SLC4A4: variants seen among roughly 807,000 people sequenced by gnomAD.
The protein encoded by SLC4A4 is electrogenic sodium bicarbonate cotransporter 1.
A neutral mutation model predicts 111.5 loss-of-function variants in SLC4A4; 27 were observed. That is an observed-to-expected ratio of 0.24 (90% CI 0.18 to 0.33). The LOEUF (loss-of-function observed/expected upper bound fraction) is 0.33, where lower values mean the gene tolerates loss of function less well. Ranked by LOEUF, SLC4A4 falls within the 10% of genes least tolerant of loss-of-function variation. SLC4A4 has a pLI of 1.00. For missense variants in SLC4A4, 909 were observed against 1,315.5 expected, an observed-to-expected ratio of 0.69 and a Z score of 4.78; for synonymous variants, 443 against 463.4, an observed-to-expected ratio of 0.96 and a Z score of 0.57.
chr4:71,323,767 A>C (rs2148869670), intron 3 of SLC4A4, among the ~76,000 whole-genome samples: 1 of 150,940 alleles, frequency 6.6e-6, no homozygotes, highest in South Asian at 2.1e-4. Context: ...GTCCATCTAG[A>C]CTTCTTTGTC....
chr4:71,556,099 A>G (rs1736458941), intron 21 of SLC4A4, among the ~76,000 whole-genome samples: 1 of 151,918 alleles, frequency 6.6e-6, no homozygotes, highest in Non-Finnish European at 1.5e-5. Context: ...GCTTTTGCTT[A>G]TTGAATTCAG....
chr4:71,566,997 T>C lies in SLC4A4; in HGVS notation c.3197-7T>C. On this transcript the variant is annotated splice_polypyrimidine_tract_variant and splice_region_variant and intron_variant, in intron 24 of 25. Coordinates refer to ENST00000264485, the MANE Select transcript of SLC4A4 (RefSeq NM_001098484.3). ...CATTTATGTTTTTAAAAAATTTTAT[T>C]TTCCAGGAGAAAGATCACCAACATT... is the stretch of plus-strand genomic sequence containing the variant. 1.2e-6 allele frequency: 2 copies of C among 1,608,176 alleles called. No homozygotes were observed. Among genetic ancestry groups the C allele is most frequent in the Non-Finnish European group, 1.7e-6 (2 of 1,176,342 alleles).
At chr4:71,355,957 C>G (rs1189699397) in intron 5 of SLC4A4, among the ~76,000 whole-genome samples, 1 of 152,186 alleles carries the variant, frequency 6.6e-6, no homozygotes, top group East Asian at 1.9e-4. Context: ...AGAAAGGGAG[C>G]CATGGGATCC....
intron 6 of SLC4A4, among the ~76,000 whole-genome samples, chr4:71,387,529 T>C (rs1718861192): frequency 6.6e-6 from 1 of 152,116 alleles, no homozygotes; most frequent in African/African-American, 2.4e-5. Flanking sequence ...AGTTTCACTC[T>C]TGTTGCCCAG....
intron 17 of SLC4A4, 28 bp from the exon 18 acceptor site, chr4:71,534,199 C>T: frequency 6.2e-7 from 1 of 1,611,508 alleles, no homozygotes; most frequent in Non-Finnish European, 8.5e-7. Context: ...TGATAATTTT[C>T]TGAAAAATGT....
At chr4:71,157,398 T>C (rs1478367937) in intron 2 of SLC4A4, among the ~76,000 whole-genome samples, 1 of 152,152 alleles carries the variant, frequency 6.6e-6, no homozygotes, top group Non-Finnish European at 1.5e-5. Flanking sequence ...AAACTGGTAA[T>C]TGGAAAATAT....
chr4:71,415,775 TA>T (rs1280641272), intron 7 of SLC4A4, among the ~76,000 whole-genome samples: 1 of 152,188 alleles, frequency 6.6e-6, no homozygotes, highest in African/African-American at 2.4e-5. Context: ...TTCTGCCTTT[TA>T]ATTTTTCTCA....
At chr4:71,259,439 C>G (rs1721690344) in intron 3 of SLC4A4, among the ~76,000 whole-genome samples, 1 of 151,964 alleles carries the variant, frequency 6.6e-6, no homozygotes, top group South Asian at 2.1e-4. Context: ...GGTGTCCCAG[C>G]TGGGGACACA....
At chr4:71,528,472 A>G (rs1427632952) in intron 16 of SLC4A4, among the ~76,000 whole-genome samples, 9 of 152,132 alleles carry the variant, frequency 5.9e-5, no homozygotes, top group African/African-American at 1.2e-4. Flanking sequence ...AACTTTACAG[A>G]GTATCTGCAG....
chr4:71,148,561 C>T (rs1338757378), intron 2 of SLC4A4, among the ~76,000 whole-genome samples: 12 of 152,154 alleles, frequency 7.9e-5, no homozygotes, highest in Admixed American at 7.9e-4. Flanking sequence ...CCTCCACTCT[C>T]TGATAAGCTC....
chr4:71,339,124 A>G (rs1728677051), intron 3 of SLC4A4: 3 of 1,610,100 alleles, frequency 1.9e-6, no homozygotes, highest in African/African-American at 2.7e-5. Flanking sequence ...ATCACACAGA[A>G]TTGGAGTGCT....
intron 22 of SLC4A4, 128 bp from the exon 23 acceptor site, chr4:71,559,965 A>G: frequency 1.4e-6 from 1 of 729,428 alleles, no homozygotes; most frequent in Admixed American, 2.0e-5. Context: ...CGTCAAGATC[A>G]GGTCTGTCAT....
At chr4:71,409,309 C>T (rs1459153372) in intron 7 of SLC4A4, among the ~76,000 whole-genome samples, 1 of 152,142 alleles carries the variant, frequency 6.6e-6, no homozygotes, top group Non-Finnish European at 1.5e-5. Flanking sequence ...AGTGTGGAAC[C>T]TCTAGAGACT....
chr4:71,087,220 T>C (rs1742204419), intron 1 of SLC4A4, among the ~76,000 whole-genome samples: 1 of 152,086 alleles, frequency 6.6e-6, no homozygotes, highest in Non-Finnish European at 1.5e-5. Context: ...TCTCTGATGG[T>C]AGTTTGTATT....
intron 1 of SLC4A4, among the ~76,000 whole-genome samples, chr4:71,218,674 T>G (rs1718570903): frequency 6.6e-6 from 1 of 152,216 alleles, no homozygotes; most frequent in African/African-American, 2.4e-5. Context: ...CTTGACAACT[T>G]GCTTGCATCT....
intron 3 of SLC4A4, among the ~76,000 whole-genome samples, chr4:71,267,145 G>A (rs1173031991): frequency 2.0e-5 from 3 of 152,170 alleles, no homozygotes; most frequent in African/African-American, 7.2e-5. Context: ...CCCTTGGGGA[G>A]CTTGTAGTCA....
intron 17 of SLC4A4, among the ~76,000 whole-genome samples, chr4:71,533,215 C>A (rs1310705825): frequency 6.6e-6 from 1 of 152,102 alleles, no homozygotes. Flanking sequence ...AAGATAAGTT[C>A]TCACCCATTC....
At chr4:71,453,452 ATTTAC>A in intron 11 of SLC4A4, 38 bp from the exon 12 acceptor site, 1 of 1,574,022 alleles carries the variant, frequency 6.4e-7, no homozygotes, top group African/African-American at 1.3e-5. Context: ...TTTGATGGTA[ATTTAC>A]TTTACATTTA....
chr4:71,125,598 G>A (rs972972015), intron 2 of SLC4A4, among the ~76,000 whole-genome samples: 15 of 152,072 alleles, frequency 9.9e-5, no homozygotes, highest in African/African-American at 3.4e-4. Context: ...ACAAAGCTTT[G>A]GCCAAAAGAT....
Sources: allele counts gnomAD v4.1 joint callset (sites outside exome capture counted in the v4.1 genomes callset), GRCh38; gene constraint gnomAD v4.1.1; transcripts MANE v1.5; gene names NCBI Gene and HGNC (gene_info 2026-07-23, HGNC 2026-07-21).